The following PARVB variants were observed in gnomAD, a reference collection of about 807,000 sequenced individuals.
PARVB encodes the protein parvin beta.
In PARVB, 46 loss-of-function variants were observed where a neutral mutation model predicts 47.0. That is an observed-to-expected ratio of 0.98 (90% CI 0.77 to 1.25). The LOEUF (loss-of-function observed/expected upper bound fraction) is 1.25. PARVB is among the 50% of genes most tolerant of loss of function. The pLI, the probability that PARVB is intolerant of heterozygous loss-of-function variation, is 0.00. For synonymous variants in PARVB, 196 were observed against 196.3 expected (o/e 1.00, Z 0.01); for missense variants, 473 against 471.6 (o/e 1.00, Z -0.03).
chr22:44,049,408 G>C lies in PARVB; in HGVS notation c.112+24957G>C, dbSNP rs957090955. Among the ~76,000 whole-genome samples, 1 of 152,198 alleles carries C rather than the reference G, an allele frequency of 6.6e-6. No individual in the cohort carries two copies. The highest frequency in any genetic ancestry group is 1.5e-5 in the Non-Finnish European group (1 of 68,034). On this transcript the variant is annotated intron_variant, in intron 1 of 12. Transcript: ENST00000338758. The surrounding 1 kb of genome is among the most constrained non-coding windows in gnomAD (Gnocchi z 4.0). Reference sequence around the variant, plus strand: ...CGTTTCTCAAGTTTAGCTCCTGTCTGATTAAATTTGAGGTTCGTTTCTCAA... The same window carrying C: ...CGTTTCTCAAGTTTAGCTCCTGTCTCATTAAATTTGAGGTTCGTTTCTCAA...
At chr22:44,080,995 G>T (rs550530356) in intron 1 of PARVB, among the ~76,000 whole-genome samples, 5 of 152,158 alleles carry the variant, frequency 3.3e-5, no homozygotes, top group Non-Finnish European at 7.4e-5. Flanking sequence ...GCTTTGTGGG[G>T]TCATGGAGTG....
chr22:44,066,957 C>A (rs2051549219), intron 1 of PARVB, among the ~76,000 whole-genome samples: 1 of 152,056 alleles, frequency 6.6e-6, no homozygotes, highest in South Asian at 2.1e-4. Context: ...TCAAGTGATC[C>A]TCCTGCCTCA....
intron 1 of PARVB, among the ~76,000 whole-genome samples, chr22:44,079,881 T>C (rs1002644943): frequency 2.0e-5 from 3 of 152,140 alleles, no homozygotes; most frequent in Non-Finnish European, 4.4e-5. Context: ...TGAGCCGAGA[T>C]TGTGCCACTG....
intron 8 of PARVB, chr22:44,145,149 C>G (rs13058591): frequency 6.6e-6 from 1 of 152,252 alleles, no homozygotes; most frequent in African/African-American, 2.4e-5. Context: ...CTGCCAGGCT[C>G]CATGCTCCTG....
intron 2 of PARVB, among the ~76,000 whole-genome samples, chr22:44,010,260 T>C (rs1014086692): frequency 3.3e-5 from 5 of 152,172 alleles, no homozygotes; most frequent in African/African-American, 1.2e-4. Context: ...TCCATGAGTG[T>C]GCAAAGGAGA....
rs765976248 is a variant in PARVB, at chr22:43,999,531, C to T, written c.72-3C>T. On this transcript the variant is annotated splice_polypyrimidine_tract_variant and splice_region_variant and intron_variant, in intron 1 of 13. Coordinates refer to the PARVB transcript ENST00000406477. Reference sequence around the variant, plus strand: ...AACAAAAAATGTTCATTCCTACCTGCAGCAGGAGGCTGGAGCTGAGACGTG... The same window carrying T: ...AACAAAAAATGTTCATTCCTACCTGTAGCAGGAGGCTGGAGCTGAGACGTG... 8 of 1,570,554 alleles carry T rather than the reference C, an allele frequency of 5.1e-6. No individual in the cohort carries two copies. In the South Asian group the frequency reaches 6.6e-5, roughly 13 times the overall value.
chr22:44,123,818 A>C (rs376700595), intron 4 of PARVB, among the ~76,000 whole-genome samples: 6 of 152,344 alleles, frequency 3.9e-5, no homozygotes, highest in African/African-American at 1.4e-4. Context: ...GGCATGAGCC[A>C]CTGCGCCTGG....
intron 1 of PARVB, among the ~76,000 whole-genome samples, chr22:44,084,472 C>T (rs1274915388): frequency 6.6e-6 from 1 of 152,238 alleles, no homozygotes. Flanking sequence ...GCAGGGCTTG[C>T]AGGGGCCAAG....
intron 1 of PARVB, among the ~76,000 whole-genome samples, chr22:44,062,591 C>T (rs1307185435): frequency 1.3e-5 from 2 of 151,236 alleles, no homozygotes; most frequent in East Asian, 1.9e-4. Context: ...GAGCTGAGAT[C>T]GCACCACTGC....
chr22:44,164,168 G>A (rs182096778), intron 12 of PARVB, among the ~76,000 whole-genome samples: 1,858 of 152,324 alleles, frequency 0.012, 22 homozygotes, highest in Non-Finnish European at 0.019. Context: ...TTTGAAGGAC[G>A]TGGCCTCTGC....
chr22:44,063,769 C>T (rs1758480814), intron 1 of PARVB, among the ~76,000 whole-genome samples: 1 of 152,140 alleles, frequency 6.6e-6, no homozygotes, highest in Non-Finnish European at 1.5e-5. Flanking sequence ...CCCTTGGGAT[C>T]AGGCAGCTGC....
intron 1 of PARVB, among the ~76,000 whole-genome samples, chr22:44,067,751 C>A (rs1338965425): frequency 6.6e-6 from 1 of 152,212 alleles, no homozygotes; most frequent in African/African-American, 2.4e-5. Flanking sequence ...AGCTGGGGAC[C>A]ACATCAGTGC....
intron 3 of PARVB, chr22:44,107,462 G>A (rs182723064): frequency 4.6e-5 from 7 of 152,332 alleles, no homozygotes; most frequent in Admixed American, 2.0e-4. Flanking sequence ...TTCTTAGCAC[G>A]TAGCGCCTAA....
intron 10 of PARVB, among the ~76,000 whole-genome samples, chr22:44,153,801 CT>C (rs1398891232): frequency 3.3e-5 from 5 of 152,134 alleles, no homozygotes; most frequent in Non-Finnish European, 7.3e-5. Flanking sequence ...TATTTTGTCA[CT>C]TTTAATGGGA....
intron 2 of PARVB, among the ~76,000 whole-genome samples, chr22:44,017,740 T>C (rs545410764): frequency 3.2e-4 from 49 of 152,324 alleles, no homozygotes; most frequent in Non-Finnish European, 6.0e-4. Flanking sequence ...CCTCTGGACC[T>C]CGGCTTTTGC....
intron 2 of PARVB, 123 bp downstream of exon 2, chr22:44,094,140 T>A (rs1438438111): frequency 2.7e-5 from 15 of 556,030 alleles, no homozygotes; most frequent in Non-Finnish European, 4.1e-5. Context: ...TGGGGGCATT[T>A]GGGAGTCTAA....
At chr22:44,082,007 A>AGAGG (rs2051912788) in intron 1 of PARVB, among the ~76,000 whole-genome samples, 1 of 152,158 alleles carries the variant, frequency 6.6e-6, no homozygotes, top group South Asian at 2.1e-4. Flanking sequence ...GCGTCGAAGG[A>AGAGG]CTTGCTAAGG....
chr22:44,142,768 C>G (rs576004125), intron 8 of PARVB: 1 of 152,262 alleles, frequency 6.6e-6, no homozygotes, highest in South Asian at 2.1e-4. Flanking sequence ...TGGAATTGTT[C>G]TCGTTACTTT....
intron 4 of PARVB, among the ~76,000 whole-genome samples, chr22:44,122,562 CAGAGAG>C (rs55865160): frequency 0.024 from 1,860 of 78,708 alleles, 47 homozygotes; most frequent in South Asian, 0.062. Context: ...GACACAGAGA[CAGAGAG>C]AGAGAGAGAG....
Sources: allele counts gnomAD v4.1 joint callset (sites outside exome capture counted in the v4.1 genomes callset), GRCh38; gene constraint gnomAD v4.1.1; non-coding constraint Gnocchi (gnomAD v3.1); transcripts MANE v1.5; gene names NCBI Gene and HGNC (gene_info 2026-07-23, HGNC 2026-07-21).